NRP2: variants seen among roughly 807,000 people sequenced by gnomAD.
NRP2 encodes the protein neuropilin 2.
In NRP2, 52 loss-of-function variants were observed where a neutral mutation model predicts 110.4. The ratio of observed to expected loss-of-function variants is 0.47; its 90% CI spans 0.38 to 0.59. The LOEUF is 0.59. Ranked by LOEUF, NRP2 falls within the 20% of genes least tolerant of loss-of-function variation. The probability of loss-of-function intolerance (pLI) is 0.00; values close to 1 mark genes in which losing one functional copy is unlikely to be tolerated. For missense variants in NRP2, 1,049 were observed against 1,203.0 expected, an observed-to-expected ratio of 0.87 and a Z score of 1.89; for synonymous variants, 508 against 468.9, an observed-to-expected ratio of 1.08 and a Z score of -1.08.
At chr2:205,691,444 G>A (rs906185524) in intron 1 of NRP2, among the ~76,000 whole-genome samples, 1 of 152,162 alleles carries the variant, frequency 6.6e-6, no homozygotes, top group Non-Finnish European at 1.5e-5. Flanking sequence ...AGAAGCTGCA[G>A]TTTAGAATGT....
intron 15 of NRP2, among the ~76,000 whole-genome samples, chr2:205,786,329 G>A (rs2058235663): frequency 6.6e-6 from 1 of 152,164 alleles, no homozygotes; most frequent in South Asian, 2.1e-4. Flanking sequence ...AAAGAGAATG[G>A]CTGAGAGAAG....
chr2:205,766,632 A>G (rs1257750169), intron 14 of NRP2, 151 bp from the exon 15 acceptor site: 1 of 711,590 alleles, frequency 1.4e-6, no homozygotes, highest in Non-Finnish European at 2.5e-6. Flanking sequence ...AGCCTAGAAC[A>G]TGTGGAAGAT....
At position 205,716,157 on chromosome 2, in the gene NRP2, G is replaced by A. The variant is rs1229858617; in HGVS notation, c.252-36G>A. On this transcript the variant is annotated intron_variant, in intron 2 of 16. Coordinates refer to ENST00000357785, the MANE Select transcript of NRP2 (RefSeq NM_003872.3). Reference sequence around the variant, plus strand: ...CACAGTGGTCCTTCTCATGTCCTTCGAGTGATCTTTTCTTGTCTGTGCCAT... The same window carrying A: ...CACAGTGGTCCTTCTCATGTCCTTCAAGTGATCTTTTCTTGTCTGTGCCAT... The A allele has an allele frequency of 6.2e-7, 1 of 1,608,676 alleles. No individual in the cohort carries two copies. Among genetic ancestry groups the A allele is most frequent in the Non-Finnish European group, 8.5e-7 (1 of 1,175,248 alleles).
intron 15 of NRP2, among the ~76,000 whole-genome samples, chr2:205,781,783 A>C (rs2058177051): frequency 6.6e-6 from 1 of 152,220 alleles, no homozygotes; most frequent in Non-Finnish European, 1.5e-5. Flanking sequence ...GGAGGGGGCG[A>C]GGGGAACACC....
chr2:205,766,830 T>C (rs7600985), intron 15 of NRP2, 27 bp downstream of exon 15: 1 of 1,502,162 alleles, frequency 6.7e-7, no homozygotes, highest in East Asian at 2.3e-5. Context: ...TAAAAAAAAA[T>C]TTTTTTTTTG....
rs1278939751 is a variant in NRP2 at position 205,697,863 on chromosome 2, C to T, written c.251+142C>T. On this transcript the variant is annotated intron_variant, in intron 2 of 16. Coordinates refer to ENST00000357785, the MANE Select transcript of NRP2 (RefSeq NM_003872.3). Reference sequence around the variant, plus strand: ...GTGGATCCTGGCCCCAGAGGAAAACCTCAAGGGGCATTCCCTTTCCAGGGA... The same window carrying T: ...GTGGATCCTGGCCCCAGAGGAAAACTTCAAGGGGCATTCCCTTTCCAGGGA... The T allele has an allele frequency of 3.5e-5, 29 of 838,984 alleles. No individual in the cohort carries two copies. The East Asian group carries it at 6.8e-4, about 20-fold the overall frequency. 52.0% of individuals were successfully genotyped at this position (838,984 alleles called of 1,614,324 possible).
intron 1 of NRP2, among the ~76,000 whole-genome samples, chr2:205,691,525 G>A (rs574355319): frequency 1.3e-5 from 2 of 152,350 alleles, no homozygotes; most frequent in South Asian, 4.1e-4. Context: ...AAATTGCTAG[G>A]CAAAGAGGTT....
intron 15 of NRP2, among the ~76,000 whole-genome samples, chr2:205,785,218 T>G (rs771522811): frequency 5.9e-5 from 9 of 152,244 alleles, no homozygotes; most frequent in Non-Finnish European, 1.3e-4. Context: ...CAACTCCATT[T>G]TCTCACTTGT....
rs2057852317 is a variant in NRP2, at chr2:205,763,181, G to C, written c.2045-493G>C. 6.6e-6 allele frequency among the ~76,000 whole-genome samples: 1 copy of C among 152,186 alleles called. No individual in the cohort carries two copies. The highest frequency in any genetic ancestry group is 1.5e-5 in the Non-Finnish European group (1 of 68,040). On this transcript the variant is annotated intron_variant, in intron 12 of 16. Transcript: ENST00000357785. This position sits in a 1 kb window ranked among gnomAD's most constrained non-coding sequence, Gnocchi z 4.0. ...AGCCATTTGGACAGTGCCCAGCCAAGATGGCCAGGGCTGGAAGCATCAACC... is the reference window on the plus strand; with the variant it reads ...AGCCATTTGGACAGTGCCCAGCCAACATGGCCAGGGCTGGAAGCATCAACC...
At chr2:205,721,844 G>A (rs939660775) in intron 3 of NRP2, among the ~76,000 whole-genome samples, 74 of 152,220 alleles carry the variant, frequency 4.9e-4, no homozygotes, top group Admixed American at 4.6e-3. Flanking sequence ...TAAAAACATC[G>A]ATTGTTAATT....
At chr2:205,727,454 T>C (rs1292750036) in intron 6 of NRP2, among the ~76,000 whole-genome samples, 1 of 152,180 alleles carries the variant, frequency 6.6e-6, no homozygotes, top group African/African-American at 2.4e-5. Flanking sequence ...GGGATGCCTC[T>C]ATGAGTGTGA....
At chr2:205,689,035 T>C (rs563058116) in intron 1 of NRP2, among the ~76,000 whole-genome samples, 99 of 152,258 alleles carry the variant, frequency 6.5e-4, no homozygotes, top group Admixed American at 2.2e-3. Flanking sequence ...AGGTGTTAAG[T>C]GCTTCCAGCC....
At chr2:205,735,064 G>A (rs1005228463) in intron 7 of NRP2, among the ~76,000 whole-genome samples, 1 of 152,150 alleles carries the variant, frequency 6.6e-6, no homozygotes, top group Non-Finnish European at 1.5e-5. Context: ...TTTGGGAAGG[G>A]TGAAACAGCC....
At chr2:205,746,877 G>A (rs1168007931) in intron 10 of NRP2, among the ~76,000 whole-genome samples, 5 of 152,214 alleles carry the variant, frequency 3.3e-5, no homozygotes, top group Non-Finnish European at 5.9e-5. Flanking sequence ...GCCCTGTTGA[G>A]GCACACGGGC....
intron 4 of NRP2, among the ~76,000 whole-genome samples, 156 bp downstream of exon 4, chr2:205,722,864 T>C (rs905839242): frequency 8.5e-5 from 13 of 152,238 alleles, no homozygotes; most frequent in African/African-American, 2.9e-4. Flanking sequence ...AAGGATAGCT[T>C]GAGAGAAATT....
chr2:205,702,842 C>T (rs2056589204), intron 2 of NRP2, among the ~76,000 whole-genome samples: 1 of 152,188 alleles, frequency 6.6e-6, no homozygotes, highest in African/African-American at 2.4e-5. Context: ...CTCCAGCCCT[C>T]CTTTCCCTCC....
At position 205,722,787 on chromosome 2, in the gene NRP2, C is replaced by A. The variant is rs371267940; in HGVS notation, c.664+79C>A. On this transcript the variant is annotated intron_variant, in intron 4 of 16. Coordinates refer to ENST00000357785, the MANE Select transcript of NRP2 (RefSeq NM_003872.3). ...CTTTAGTGATGATAAAGAGGAAGAA[C>A]AAAGACTTCAAAGCTCCTATGAGTT... The A allele has an allele frequency of 7.6e-5, 87 of 1,137,850 alleles. No homozygotes were observed. In the Middle Eastern group the frequency reaches 1.4e-3, roughly 19 times the overall value. The allele number at this position is 1,137,850 out of a possible 1,614,324, so 70.5% of individuals were successfully genotyped here.
At chr2:205,789,484 T>G (rs979797670) in intron 15 of NRP2, among the ~76,000 whole-genome samples, 1 of 152,172 alleles carries the variant, frequency 6.6e-6, no homozygotes, top group Non-Finnish European at 1.5e-5. Flanking sequence ...CTTCAAGTTT[T>G]CCCCATTGAA....
chr2:205,684,135 G>T (rs974091222), intron 1 of NRP2, among the ~76,000 whole-genome samples: 1 of 152,228 alleles, frequency 6.6e-6, no homozygotes, highest in Non-Finnish European at 1.5e-5. Flanking sequence ...GCCAAAAAGG[G>T]TGTGTGGACA....
Sources: allele counts gnomAD v4.1 joint callset (sites outside exome capture counted in the v4.1 genomes callset), GRCh38; gene constraint gnomAD v4.1.1; non-coding constraint Gnocchi (gnomAD v3.1); transcripts MANE v1.5; gene names NCBI Gene and HGNC (gene_info 2026-07-23, HGNC 2026-07-21).